KDM6A: variants seen among roughly 807,000 people sequenced by gnomAD.
KDM6A encodes lysine-specific demethylase 6A.
In KDM6A, 11 loss-of-function variants were observed where a neutral mutation model predicts 117.6. The ratio of observed to expected loss-of-function variants is 0.09; its 90% CI spans 0.06 to 0.15. The LOEUF (loss-of-function observed/expected upper bound fraction) is 0.15. KDM6A is among the 10% of genes least tolerant of loss of function. KDM6A has a pLI of 1.00. For missense variants in KDM6A, 799 were observed against 1,077.3 expected (o/e 0.74, Z 3.62); for synonymous variants, 384 against 396.1 (o/e 0.97, Z 0.36).
At chrX:44,937,883 A>G (rs1343916680) in intron 2 of KDM6A, among the ~76,000 whole-genome samples, 5 of 112,259 alleles carry the variant, frequency 4.5e-5, no homozygotes, top group African/African-American at 1.3e-4. Context: ...TTAAAGAGAC[A>G]GAGTCTCACT....
intron 27 of KDM6A, among the ~76,000 whole-genome samples, chrX:45,105,184 G>A (rs1207516664): frequency 9.0e-6 from 1 of 111,383 alleles, no homozygotes; most frequent in African/African-American, 3.3e-5. Context: ...AGATAGTAAG[G>A]GGGAAGCTTG....
At chrX:44,984,486 C>T (rs1206430946) in intron 4 of KDM6A, among the ~76,000 whole-genome samples, 1 of 111,632 alleles carries the variant, frequency 9.0e-6, no homozygotes, top group Non-Finnish European at 1.9e-5. Flanking sequence ...AGTCCTTGCC[C>T]AGGCCTGTGT....
At position 45,037,707 on chromosome X, in the gene KDM6A, T is replaced by C. The variant is rs761988382; in HGVS notation, c.654+18T>C. On this transcript the variant is annotated intron_variant, in intron 8 of 29. Coordinates refer to ENST00000611820, the MANE Select transcript of KDM6A (RefSeq NM_001291415.2). ...AAACCCAGGTAAGTATTTTAACTTA[T>C]TCTATTTAAAACAAAAGCAAACAAA... 2.6e-5 allele frequency: 30 copies of C among 1,155,225 alleles called. No individual in the cohort carries two copies. In the Middle Eastern group the frequency reaches 1.2e-3, roughly 45 times the overall value.
At chrX:45,062,600 T>C in intron 15 of KDM6A, 47 bp from the exon 16 acceptor site, 2 of 964,364 alleles carry the variant, frequency 2.1e-6, no homozygotes, top group Non-Finnish European at 3.0e-6. Flanking sequence ...ATGATCTTAT[T>C]TCCTAAATAT....
chrX:44,968,653 C>T (rs1028767987), intron 3 of KDM6A, among the ~76,000 whole-genome samples: 4 of 111,783 alleles, frequency 3.6e-5, no homozygotes, highest in African/African-American at 1.3e-4. Flanking sequence ...AAGAGAGTCA[C>T]GGAGGTTAAA....
At chrX:44,932,403 G>A (rs762669143) in intron 2 of KDM6A, among the ~76,000 whole-genome samples, 156 of 110,519 alleles carry the variant, frequency 1.4e-3, no homozygotes, top group African/African-American at 5.0e-3. Context: ...GAGCCACCAC[G>A]CCTGGCCATC....
intron 6 of KDM6A, among the ~76,000 whole-genome samples, chrX:45,023,056 C>G (rs932210361): frequency 3.2e-4 from 36 of 112,271 alleles, no homozygotes; most frequent in African/African-American, 1.2e-3. Flanking sequence ...ATCTTATTGG[C>G]CAGAAATAGG....
chrX:45,038,064 A>C (rs1367980172), intron 8 of KDM6A, among the ~76,000 whole-genome samples: 2 of 111,148 alleles, frequency 1.8e-5, no homozygotes, highest in Non-Finnish European at 3.8e-5. Context: ...TTTACTAAAA[A>C]TACAAAAAAT....
At chrX:45,076,952 T>C in intron 19 of KDM6A, 126 bp downstream of exon 19, 1 of 508,391 alleles carries the variant, frequency 2.0e-6, no homozygotes, top group Non-Finnish European at 3.1e-6. Flanking sequence ...ATTAAATAGT[T>C]TGGGGGCGGG....
chrX:44,991,848 G>A (rs751836830), intron 4 of KDM6A, among the ~76,000 whole-genome samples: 1 of 95,054 alleles, frequency 1.1e-5, no homozygotes, highest in East Asian at 2.9e-4. Flanking sequence ...CACTACGCCT[G>A]ACTAATTTTT....
At chrX:44,888,635 A>C (rs1189899261) in intron 2 of KDM6A, among the ~76,000 whole-genome samples, 2 of 112,163 alleles carry the variant, frequency 1.8e-5, no homozygotes, top group Non-Finnish European at 3.8e-5. Context: ...TGCTTTTGTT[A>C]ATCTAGGTTG....
intron 2 of KDM6A, among the ~76,000 whole-genome samples, chrX:44,917,867 TTAA>T (rs2035658317): frequency 8.9e-6 from 1 of 112,313 alleles, no homozygotes; most frequent in South Asian, 3.6e-4. Flanking sequence ...TTTAGTTTAG[TTAA>T]TAATGTCTAG....
chrX:44,877,308 G>A (rs2031752788), intron 2 of KDM6A, among the ~76,000 whole-genome samples: 1 of 111,011 alleles, frequency 9.0e-6, no homozygotes, highest in South Asian at 3.7e-4. Context: ...ATTATTTTTT[G>A]GTAATGTCTT....
At chrX:45,096,261 C>T (rs1015832197) in intron 27 of KDM6A, among the ~76,000 whole-genome samples, 6 of 111,222 alleles carry the variant, frequency 5.4e-5, no homozygotes, top group African/African-American at 9.8e-5. Context: ...GTGGTAAGCC[C>T]GCTCAACCAA....
At chrX:44,952,627 GAGAC>G (rs1242469627) in intron 2 of KDM6A, among the ~76,000 whole-genome samples, 2 of 111,964 alleles carry the variant, frequency 1.8e-5, no homozygotes, top group South Asian at 3.7e-4. Flanking sequence ...AGGAAATAGA[GAGAC>G]AGACAGGGTA....
chrX:45,072,419 T>C (rs1272984353), intron 18 of KDM6A, among the ~76,000 whole-genome samples: 2 of 109,529 alleles, frequency 1.8e-5, no homozygotes, highest in Admixed American at 1.9e-4. Flanking sequence ...TTTTATATTA[T>C]AGGTTTTTAT....
intron 6 of KDM6A, among the ~76,000 whole-genome samples, chrX:45,025,886 T>C (rs1364935400): frequency 1.8e-5 from 2 of 112,139 alleles, no homozygotes; most frequent in African/African-American, 6.5e-5. Flanking sequence ...TAATTTGGTA[T>C]TTGAATATGA....
chrX:45,025,423 A>G (rs1254550290), intron 6 of KDM6A, among the ~76,000 whole-genome samples: 1 of 112,232 alleles, frequency 8.9e-6, no homozygotes, highest in African/African-American at 3.2e-5. Context: ...TCAGCCTCCC[A>G]AAGTGCTGGA....
intron 19 of KDM6A, among the ~76,000 whole-genome samples, chrX:45,077,632 T>TA (rs915127659): frequency 1.8e-5 from 2 of 110,751 alleles, no homozygotes; most frequent in African/African-American, 6.6e-5. Context: ...GATAGACATG[T>TA]AAAAAAACTT....
Sources: gnomAD v4.1 joint callset for allele counts (sites outside exome capture counted in the v4.1 genomes callset) on GRCh38, gnomAD v4.1.1 for gene constraint, MANE v1.5 for transcripts, NCBI Gene and HGNC (gene_info 2026-07-23, HGNC 2026-07-21) for gene names.